TET3: variants seen among roughly 807,000 people sequenced by gnomAD.
TET3 encodes tet methylcytosine dioxygenase 3.
In TET3, 19 loss-of-function variants were observed where a neutral mutation model predicts 141.4. The observed-to-expected ratio is 0.13, with a 90% CI of 0.09 to 0.20. The LOEUF is 0.20. Among genes scored for constraint, TET3 ranks in the 10% least tolerant of loss-of-function variants. TET3 has a pLI of 1.00. For synonymous variants in TET3, 1,043 were observed against 980.9 expected (o/e 1.06, Z -1.18); for missense variants, 1,874 against 2,356.9 (o/e 0.80, Z 4.24).
chr2:74,132,193 A>C, the TET3 span, among the ~76,000 whole-genome samples: 2 of 152,140 alleles, frequency 1.3e-5, no homozygotes, highest in African/African-American at 2.4e-5. Context: ...GCCAGAGTCC[A>C]GCTAGAGGCT....
chr2:74,079,075 T>A (rs1689662897), intron 5 of TET3, among the ~76,000 whole-genome samples: 1 of 152,162 alleles, frequency 6.6e-6, no homozygotes, highest in Non-Finnish European at 1.5e-5. Flanking sequence ...AGGCCTGGCA[T>A]GCGTGGCTCA....
In TET3 at chr2:74,099,592, C is replaced by T. The variant is rs756361815; in HGVS notation, c.3584C>T (p.Ala1195Val). 1.8e-5 allele frequency: 28 copies of T among 1,586,456 alleles called. No individual in the cohort carries two copies. The African/African-American group carries it at 2.0e-4, about 11-fold the overall frequency. The change falls in exon 11 of 12, where the codon GCG (alanine) becomes GTG (valine). Residue 1195 changes from alanine (A) to valine (V), a missense_variant. Coordinates refer to ENST00000409262, the MANE Select transcript of TET3 (RefSeq NM_001287491.2). ...ATCAAGCAGGAGGCCCTGGAGCTGG[C>T]GGGCATTACGTCGGACCCAGGTGTG... ...EKIKQEALEL[A>V]GITSDPGLSL...
intron 11 of TET3, 49 bp downstream of exon 11, chr2:74,099,661 A>C: frequency 1.7e-4 from 252 of 1,474,880 alleles, no homozygotes; most frequent in Non-Finnish European, 2.1e-4. Context: ...CACTGTCCTC[A>C]TGGGGGCCCC....
chr2:74,009,674 A>G (rs1051284901), intron 3 of TET3, among the ~76,000 whole-genome samples: 1 of 152,154 alleles, frequency 6.6e-6, no homozygotes, highest in Non-Finnish European at 1.5e-5. Context: ...GTCCATCCCT[A>G]GTCCTGCCCC....
chr2:73,996,074 A>C (rs1320203823), intron 2 of TET3, among the ~76,000 whole-genome samples: 2 of 152,042 alleles, frequency 1.3e-5, no homozygotes, highest in East Asian at 3.9e-4. Context: ...AGCTGTGTTC[A>C]TGTTGACTTC....
chr2:74,102,943 C>G lies in TET3; in HGVS notation c.*767C>G, dbSNP rs1345648781. 6.6e-6 allele frequency: 1 copy of G among 152,222 alleles called. No homozygotes were observed. The highest frequency in any genetic ancestry group is 2.4e-5 in the African/African-American group (1 of 41,432). 9.4% of individuals were successfully genotyped at this position (152,222 alleles called of 1,614,324 possible). A position where few individuals can be genotyped will look rare whatever the true frequency, so the allele number is the denominator to read the frequency against. Reference sequence around the variant, plus strand: ...CCCCACGAGATGCTGGCATAGCTTTCCCCAGAAACCAGGTTGGAAGTAGAT... The same window carrying G: ...CCCCACGAGATGCTGGCATAGCTTTGCCCAGAAACCAGGTTGGAAGTAGAT... On this transcript the variant is annotated 3_prime_UTR_variant, in exon 12 of 12. Coordinates refer to ENST00000409262, the MANE Select transcript of TET3 (RefSeq NM_001287491.2).
chr2:74,048,496 G>A (rs1326323034), intron 4 of TET3, 85 bp downstream of exon 4: 10 of 1,406,874 alleles, frequency 7.1e-6, no homozygotes, highest in Non-Finnish European at 8.6e-6. Flanking sequence ...CTTTCATTTG[G>A]CAAACATTTA....
intron 4 of TET3, among the ~76,000 whole-genome samples, chr2:74,060,670 G>A (rs533377886): frequency 0.012 from 1,863 of 152,136 alleles, 36 homozygotes; most frequent in African/African-American, 0.042. Flanking sequence ...AGGACCCTGC[G>A]GCCTTCCGCA....
chr2:74,023,982 T>C (rs771969749), intron 3 of TET3, among the ~76,000 whole-genome samples: 1 of 152,218 alleles, frequency 6.6e-6, no homozygotes, highest in Non-Finnish European at 1.5e-5. Flanking sequence ...CCTTTCTTTG[T>C]TTTTATTTTC....
rs1690214268 is a variant in TET3 at position 74,087,257 on chromosome 2, G to A, written c.2680-573G>A. The stretch of plus-strand genomic sequence containing the variant: ...GGGGTGCTTCCACCTTTTGGCTGTT[G>A]TGAATAGTGCTGCAGTGAACGTGGG... On this transcript the variant is annotated intron_variant, in intron 6 of 11. Coordinates refer to ENST00000409262, the MANE Select transcript of TET3 (RefSeq NM_001287491.2). This position sits in a 1 kb window ranked among gnomAD's most constrained non-coding sequence, Gnocchi z 4.3. Among the ~76,000 whole-genome samples the A allele has an allele frequency of 1.3e-5, 2 of 152,282 alleles. No individual in the cohort carries two copies. Among genetic ancestry groups the A allele is most frequent in the Non-Finnish European group, 1.5e-5 (1 of 68,020 alleles).
Position 74,087,732 on chromosome 2 carries a change from G to C in TET3, c.2680-98G>C, listed in dbSNP as rs1690238986. 2 of 1,245,610 alleles carry C rather than the reference G, an allele frequency of 1.6e-6. No individual in the cohort carries two copies. Among genetic ancestry groups the C allele is most frequent in the South Asian group, 1.5e-5 (1 of 65,868 alleles). 77.2% of individuals were successfully genotyped at this position (1,245,610 alleles called of 1,614,324 possible). A position where few individuals can be genotyped will look rare whatever the true frequency, so the allele number is the denominator to read the frequency against. ...GACATCCCTAGAACCCTGCCGTTAAGACCTGCACCCTGGGTCTGTGTGACA... is the reference window on the plus strand; with the variant it reads ...GACATCCCTAGAACCCTGCCGTTAACACCTGCACCCTGGGTCTGTGTGACA... On this transcript the variant is annotated intron_variant, in intron 6 of 11. Transcript: ENST00000409262. The surrounding 1 kb of genome is among the most constrained non-coding windows in gnomAD (Gnocchi z 4.3).
chr2:74,093,074 G>A lies in TET3; in HGVS notation c.3129+83G>A. On this transcript the variant is annotated intron_variant, in intron 9 of 11. Transcript: ENST00000409262. This position sits in a 1 kb window ranked among gnomAD's most constrained non-coding sequence, Gnocchi z 4.2. Reference sequence around the variant, plus strand: ...CTCTGAAGGTGGGAAGTGGGAGAGTGGGCTCTTTTACTCTCTTATGGGAAG... The same window carrying A: ...CTCTGAAGGTGGGAAGTGGGAGAGTAGGCTCTTTTACTCTCTTATGGGAAG... 1.5e-6 allele frequency: 2 copies of A among 1,294,916 alleles called. No homozygotes were observed. Among genetic ancestry groups the A allele is most frequent in the East Asian group, 2.5e-5 (1 of 39,456 alleles). The allele number at this position is 1,294,916 out of a possible 1,614,324, so 80.2% of individuals were successfully genotyped here.
chr2:74,032,483 G>GCGCGCGCGCGCGCGATGGCCCCAGCGGC (rs36143111), intron 3 of TET3, among the ~76,000 whole-genome samples: 14 of 150,566 alleles, frequency 9.3e-5, no homozygotes, highest in Non-Finnish European at 1.3e-4. Flanking sequence ...GTGTGTGTGT[G>GCGCGCGCGCGCGCGATGGCCCCAGCGGC]TGTGTGTGTG....
At chr2:74,060,850 C>T (rs1021860941) in intron 4 of TET3, among the ~76,000 whole-genome samples, 8 of 152,352 alleles carry the variant, frequency 5.3e-5, no homozygotes, top group African/African-American at 1.9e-4. Context: ...GGTAAGGTCA[C>T]AGATCAACAG....
At chr2:73,984,612 G>A (rs1314951448), upstream of TET3, among the ~76,000 whole-genome samples, 2 of 151,906 alleles carry the variant, frequency 1.3e-5, no homozygotes, top group Non-Finnish European at 2.9e-5. This position sits in a 1 kb window ranked among gnomAD's most constrained non-coding sequence, Gnocchi z 5.6. Flanking sequence ...CGCCGGCCCC[G>A]GCTGCAGCCC....
Position 74,101,910 on chromosome 2 carries a change from C to A in TET3, c.5122C>A (p.Leu1708Ile). 6.2e-7 allele frequency: 1 copy of A among 1,613,368 alleles called. No individual in the cohort carries two copies. Among genetic ancestry groups the A allele is most frequent in the Non-Finnish European group, 8.5e-7 (1 of 1,179,756 alleles). ...NLNQPNHGLA[L>I]WEAKMKQLAE... ...CAACCAGCCCAACCACGGGCTGGCC[C>A]TCTGGGAAGCCAAGATGAAGCAGCT... Residue 1708 changes from leucine to isoleucine, a missense_variant, in exon 12 of 12, where the codon CTC becomes ATC. Leu to Ile is a conservative substitution (Grantham distance 5). Transcript: ENST00000409262. This position sits in a 1 kb window ranked among gnomAD's most constrained non-coding sequence, Gnocchi z 8.5.
At chr2:74,124,252 C>T in the TET3 span, among the ~76,000 whole-genome samples, 13 of 147,586 alleles carry the variant, frequency 8.8e-5, no homozygotes, top group East Asian at 2.0e-4. Context: ...CCGCCCCGTC[C>T]GGGAGGGAGG....
rs182096066 is a variant in TET3 at position 74,073,743 on chromosome 2, G to T, written c.2585+104G>T. 6.2e-5 allele frequency: 56 copies of T among 896,308 alleles called. No homozygotes were observed. The East Asian group carries it at 8.5e-4, about 14-fold the overall frequency. The allele number at this position is 896,308 out of a possible 1,614,324, so 55.5% of individuals were successfully genotyped here. A position where few individuals can be genotyped will look rare whatever the true frequency, so the allele number is the denominator to read the frequency against. On this transcript the variant is annotated intron_variant, in intron 5 of 11. Coordinates refer to ENST00000409262, the MANE Select transcript of TET3 (RefSeq NM_001287491.2). ...TTTGCCTTGTAACAGACAATATACAGAAAGGAAACCCTGATAACGGGCTTA... is the reference window on the plus strand; with the variant it reads ...TTTGCCTTGTAACAGACAATATACATAAAGGAAACCCTGATAACGGGCTTA...
chr2:74,064,521 G>A (rs1182680272), intron 4 of TET3, among the ~76,000 whole-genome samples: 1 of 152,044 alleles, frequency 6.6e-6, no homozygotes. Flanking sequence ...CACCTCAGCC[G>A]TTTGAGTAGC....
Sources: allele counts gnomAD v4.1 joint callset (sites outside exome capture counted in the v4.1 genomes callset), GRCh38; gene constraint gnomAD v4.1.1; non-coding constraint Gnocchi (gnomAD v3.1); transcripts MANE v1.5; gene names NCBI Gene and HGNC (gene_info 2026-07-23, HGNC 2026-07-21).